The following HS3ST2 variants were observed in gnomAD, a reference collection of about 807,000 sequenced individuals.
The protein encoded by HS3ST2 is heparan sulfate glucosamine 3-O-sulfotransferase 2.
HS3ST2 carries 17 observed loss-of-function variants against 26.3 expected under a neutral mutation model. That is an observed-to-expected ratio of 0.65 (90% CI 0.44 to 0.97). The LOEUF (loss-of-function observed/expected upper bound fraction) is 0.97, where lower values mean the gene tolerates loss of function less well. Ranked by LOEUF, HS3ST2 falls within the 50% of genes least tolerant of loss-of-function variation. The pLI is 0.00. For synonymous variants in HS3ST2, 237 were observed against 219.2 expected, an observed-to-expected ratio of 1.08 and a Z score of -0.72; for missense variants, 402 against 501.2, an observed-to-expected ratio of 0.80 and a Z score of 1.89.
chr16:22,905,933 G>A (rs1902345002), intron 1 of HS3ST2, among the ~76,000 whole-genome samples: 1 of 152,120 alleles, frequency 6.6e-6, no homozygotes, highest in East Asian at 1.9e-4. Context: ...GTACAGAAGA[G>A]GGACCTGGGA....
chr16:22,850,423 T>C (rs1901501541), intron 1 of HS3ST2, among the ~76,000 whole-genome samples: 1 of 152,204 alleles, frequency 6.6e-6, no homozygotes, highest in African/African-American at 2.4e-5. Context: ...TAGAATTTAG[T>C]TGCTTGAACC....
chr16:22,831,060 G>A (rs1184633433), intron 1 of HS3ST2, among the ~76,000 whole-genome samples: 1 of 152,196 alleles, frequency 6.6e-6, no homozygotes, highest in African/African-American at 2.4e-5. Context: ...CTCTGTTCCA[G>A]AGAGAGATCA....
intron 1 of HS3ST2, among the ~76,000 whole-genome samples, chr16:22,861,350 C>A (rs1901672105): frequency 1.3e-5 from 2 of 151,872 alleles, no homozygotes; most frequent in Non-Finnish European, 2.9e-5. Context: ...GCCCTGACTG[C>A]ATCTGAACCA....
At chr16:22,868,198 G>A (rs1901783217) in intron 1 of HS3ST2, among the ~76,000 whole-genome samples, 1 of 152,056 alleles carries the variant, frequency 6.6e-6, no homozygotes, top group South Asian at 2.1e-4. Context: ...ACAAGGTCAA[G>A]AGATGGAGAC....
At position 22,875,369 on chromosome 16, in the gene HS3ST2, A is replaced by C. The variant is rs567904393; in HGVS notation, c.486-39575A>C. On this transcript the variant is annotated intron_variant, in intron 1 of 1. Transcript: ENST00000261374. ...TGAAGACAGAAAAATACTTTTAATAAATTTATTTATTTATTTATTTATTTA... is the reference window on the plus strand; with the variant it reads ...TGAAGACAGAAAAATACTTTTAATACATTTATTTATTTATTTATTTATTTA... 2.0e-5 allele frequency among the ~76,000 whole-genome samples: 3 copies of C among 151,610 alleles called. No individual in the cohort carries two copies. In the East Asian group the frequency reaches 5.8e-4, roughly 29 times the overall value.
At position 22,866,369 on chromosome 16, in the gene HS3ST2, C is replaced by CGTGTGT. The variant is rs55757233; in HGVS notation, c.486-48542_486-48537dup. On this transcript the variant is annotated intron_variant, in intron 1 of 1. Transcript: ENST00000261374. ...CTAACCAATTTGACAATATGGTGTG[C>CGTGTGT]GTGTGTGTGTGTGTGTGTGTGTGTG... Among the ~76,000 whole-genome samples, 935 of 143,802 alleles carry CGTGTGT rather than the reference C, an allele frequency of 6.5e-3. 6 individuals are homozygous for CGTGTGT. Among genetic ancestry groups the CGTGTGT allele is most frequent in the East Asian group, 0.027 (128 of 4,788 alleles). The allele number at this position is 143,802 out of a possible 152,430, so 94.3% of individuals were successfully genotyped here.
At chr16:22,818,716 CT>C (rs1401555732) in intron 1 of HS3ST2, among the ~76,000 whole-genome samples, 1 of 77,572 alleles carries the variant, frequency 1.3e-5, no homozygotes, top group African/African-American at 7.3e-5. Context: ...TCCCTCCTTC[CT>C]TCCTTCCCTC....
intron 1 of HS3ST2, among the ~76,000 whole-genome samples, chr16:22,885,505 G>C (rs1596625924): frequency 6.6e-6 from 1 of 151,706 alleles, no homozygotes; most frequent in Non-Finnish European, 1.5e-5. Flanking sequence ...GCCCAGGCTG[G>C]GGTGCAGTGG....
chr16:22,875,432 G>A (rs376259809), intron 1 of HS3ST2, among the ~76,000 whole-genome samples: 2 of 152,158 alleles, frequency 1.3e-5, no homozygotes, highest in East Asian at 3.9e-4. Context: ...CCAGGCTGGA[G>A]TGCAGTGGCA....
chr16:22,818,886 A>C (rs867825427), intron 1 of HS3ST2, among the ~76,000 whole-genome samples: 146 of 650 alleles, frequency 0.22, no homozygotes, highest in Admixed American at 0.29. Flanking sequence ...TCCTTCCTTC[A>C]TTCCTTCCTT....
At chr16:22,902,100 T>C (rs1445354352) in intron 1 of HS3ST2, among the ~76,000 whole-genome samples, 1 of 152,232 alleles carries the variant, frequency 6.6e-6, no homozygotes, top group Non-Finnish European at 1.5e-5. Flanking sequence ...CTAGCACGCA[T>C]GTGTATATTT....
chr16:22,821,631 CTCCGGTGCAGGTTAA>C (rs1004340605), intron 1 of HS3ST2, among the ~76,000 whole-genome samples: 3 of 152,092 alleles, frequency 2.0e-5, no homozygotes, highest in African/African-American at 7.2e-5. Context: ...CTGGAGCTAA[CTCCGGTGCAGGTTAA>C]TCCATTCGTT....
At chr16:22,842,090 A>G (rs1236134251) in intron 1 of HS3ST2, among the ~76,000 whole-genome samples, 2 of 99,670 alleles carry the variant, frequency 2.0e-5, no homozygotes, top group Admixed American at 1.3e-4. Context: ...TTGAGACAGT[A>G]TCTTGCTGTT....
chr16:22,820,586 A>C (rs1342119983), intron 1 of HS3ST2, among the ~76,000 whole-genome samples: 1 of 152,246 alleles, frequency 6.6e-6, no homozygotes, highest in Non-Finnish European at 1.5e-5. Flanking sequence ...ACTCCGTAAA[A>C]AGCCATCAGA....
At chr16:22,830,482 A>T (rs1028212666) in intron 1 of HS3ST2, among the ~76,000 whole-genome samples, 3 of 152,222 alleles carry the variant, frequency 2.0e-5, no homozygotes, top group African/African-American at 7.2e-5. Context: ...CTGTAGAATG[A>T]CAGAGGAACA....
chr16:22,860,338 G>A (rs1020513015), intron 1 of HS3ST2, among the ~76,000 whole-genome samples: 2 of 151,958 alleles, frequency 1.3e-5, no homozygotes, highest in Non-Finnish European at 2.9e-5. Context: ...TCACTATCAC[G>A]AGAACAGCAT....
intron 1 of HS3ST2, among the ~76,000 whole-genome samples, chr16:22,819,862 G>T (rs1900962048): frequency 6.6e-6 from 1 of 152,210 alleles, no homozygotes; most frequent in African/African-American, 2.4e-5. Context: ...TAATTGCAAA[G>T]CCCAATTCTG....
intron 1 of HS3ST2, among the ~76,000 whole-genome samples, chr16:22,874,696 A>C (rs1211724063): frequency 6.6e-6 from 1 of 152,214 alleles, no homozygotes; most frequent in Non-Finnish European, 1.5e-5. Flanking sequence ...TCAAGACAGT[A>C]CTGGGACCTG....
At chr16:22,860,449 A>C (rs1834931785) in intron 1 of HS3ST2, among the ~76,000 whole-genome samples, 1 of 152,202 alleles carries the variant, frequency 6.6e-6, no homozygotes, top group Non-Finnish European at 1.5e-5. Context: ...GTGGGGACAC[A>C]GCTAAAGCAT....
Sources: gnomAD v4.1 joint callset for allele counts (sites outside exome capture counted in the v4.1 genomes callset) on GRCh38, gnomAD v4.1.1 for gene constraint, MANE v1.5 for transcripts, NCBI Gene and HGNC (gene_info 2026-07-23, HGNC 2026-07-21) for gene names.